Variants in SLIT3 observed in about 807,000 individuals in gnomAD.
SLIT3 encodes slit guidance ligand 3.
In SLIT3, 68 loss-of-function variants were observed where a neutral mutation model predicts 184.0. The ratio of observed to expected loss-of-function variants is 0.37; its 90% CI spans 0.30 to 0.45. SLIT3 has a LOEUF of 0.45. Among genes scored for constraint, SLIT3 ranks in the 20% least tolerant of loss-of-function variants. The pLI, the probability that SLIT3 is intolerant of heterozygous loss-of-function variation, is 1.00. For synonymous variants in SLIT3, 831 were observed against 828.6 expected, an observed-to-expected ratio of 1.00 and a Z score of -0.05; for missense variants, 1,707 against 2,026.0, an observed-to-expected ratio of 0.84 and a Z score of 3.02.
rs779134549 is a variant in SLIT3 at position 168,817,462 on chromosome 5, G to T, written c.631C>A (p.Arg211Ser). 6.2e-7 allele frequency: 1 copy of T among 1,613,208 alleles called. No homozygotes were observed. The highest frequency in any genetic ancestry group is 8.5e-7 in the Non-Finnish European group (1 of 1,179,896). Reference protein sequence around the residue: ...FNHMPKIRTLRLHSNHLYCDC... With the variant: ...FNHMPKIRTLSLHSNHLYCDC... ...CAGTACAGGTGGTTGGAGTGGAGGC[G>T]CCTGGGAGAGGGCGGGACAGAGAGA... The change falls in exon 8 of 36, where the codon CGC becomes AGC. Residue 211 changes from arginine (R) to serine (S), a missense_variant and splice_region_variant. By Grantham distance (110) the Arg-to-Ser change is moderately radical. Transcript: ENST00000519560.
chr5:168,817,502 G>T, intron 7 of SLIT3, 39 bp from the exon 8 acceptor site: 5 of 1,496,332 alleles, frequency 3.3e-6, no homozygotes, highest in Non-Finnish European at 4.4e-6. Flanking sequence ...ATGGTCACAG[G>T]TGAAGTGTGG....
intron 20 of SLIT3, among the ~76,000 whole-genome samples, chr5:168,740,648 C>T (rs115843096): frequency 0.017 from 2,600 of 152,228 alleles, 83 homozygotes; most frequent in African/African-American, 0.059. Flanking sequence ...TACCCCCAAC[C>T]CTCCACCCCA....
intron 5 of SLIT3, among the ~76,000 whole-genome samples, chr5:168,855,568 G>A (rs760427677): frequency 6.6e-5 from 10 of 152,172 alleles, no homozygotes; most frequent in East Asian, 1.9e-4. Context: ...TGATGTATGC[G>A]GCAACATGGA....
chr5:168,907,506 G>A (rs566151852), intron 4 of SLIT3, among the ~76,000 whole-genome samples: 4 of 152,276 alleles, frequency 2.6e-5, no homozygotes, highest in Admixed American at 1.3e-4. Context: ...GCCATCAGTC[G>A]TGAGTTCTGG....
At chr5:169,137,955 T>C (rs533690820) in intron 4 of SLIT3, among the ~76,000 whole-genome samples, 87 of 152,228 alleles carry the variant, frequency 5.7e-4, no homozygotes, top group African/African-American at 2.0e-3. Context: ...ACCTGGCCCC[T>C]GAGTGGGACA....
intron 4 of SLIT3, among the ~76,000 whole-genome samples, chr5:169,151,748 G>C (rs1403073429): frequency 1.3e-5 from 2 of 152,206 alleles, no homozygotes; most frequent in Non-Finnish European, 2.9e-5. Context: ...CCTCTGAAAG[G>C]CCTGCCTTCC....
chr5:169,291,856 TG>T (rs1767369339), intron 1 of SLIT3, among the ~76,000 whole-genome samples: 1 of 152,210 alleles, frequency 6.6e-6, no homozygotes, highest in South Asian at 2.1e-4. Flanking sequence ...TGTTCCTTAC[TG>T]GGGATGTTAT....
chr5:168,917,825 G>A (rs1273151046), intron 4 of SLIT3, among the ~76,000 whole-genome samples: 1 of 152,182 alleles, frequency 6.6e-6, no homozygotes, highest in African/African-American at 2.4e-5. Flanking sequence ...CAGGCTGAAA[G>A]GGTTAGCTTT....
chr5:168,686,306 G>T (rs1202133226), intron 30 of SLIT3, among the ~76,000 whole-genome samples: 1 of 152,164 alleles, frequency 6.6e-6, no homozygotes, highest in African/African-American at 2.4e-5. Flanking sequence ...AGAATTGCCT[G>T]GGGGTGATTT....
At chr5:169,090,307 C>T (rs1759525871) in intron 4 of SLIT3, among the ~76,000 whole-genome samples, 1 of 152,176 alleles carries the variant, frequency 6.6e-6, no homozygotes, top group African/African-American at 2.4e-5. Flanking sequence ...CTGCTTCTCC[C>T]TCCCAGTGCC....
At chr5:168,777,064 AACACACACAC>A (rs556884651) in intron 12 of SLIT3, among the ~76,000 whole-genome samples, 65 of 65,914 alleles carry the variant, frequency 9.9e-4, no homozygotes, top group Admixed American at 3.2e-3. Context: ...AATTTCATAC[AACACACACAC>A]ACACACACAC....
intron 1 of SLIT3, among the ~76,000 whole-genome samples, chr5:169,289,436 C>T (rs953360613): frequency 6.6e-6 from 1 of 152,196 alleles, no homozygotes; most frequent in African/African-American, 2.4e-5. Flanking sequence ...ATGATCTGTC[C>T]TATTTGGGAT....
intron 3 of SLIT3, among the ~76,000 whole-genome samples, chr5:169,223,736 G>T (rs1046834119): frequency 2.0e-5 from 3 of 152,172 alleles, no homozygotes; most frequent in Admixed American, 2.0e-4. Flanking sequence ...GTACAAAATG[G>T]GTCCTTGTCA....
chr5:169,063,614 A>T (rs1271572349), intron 4 of SLIT3, among the ~76,000 whole-genome samples: 2 of 152,188 alleles, frequency 1.3e-5, no homozygotes, highest in Admixed American at 1.3e-4. Context: ...CGTGTGCGTG[A>T]GTGAGAAACA....
intron 5 of SLIT3, among the ~76,000 whole-genome samples, chr5:168,853,035 AC>A (rs2113731767): frequency 6.6e-6 from 1 of 152,326 alleles, no homozygotes; most frequent in South Asian, 2.1e-4. Context: ...AATTCTAAAA[AC>A]ATTCTTGTTC....
At chr5:168,987,186 C>T (rs1755159517) in intron 4 of SLIT3, among the ~76,000 whole-genome samples, 1 of 152,218 alleles carries the variant, frequency 6.6e-6, no homozygotes, top group South Asian at 2.1e-4. Flanking sequence ...TCCCCTTAAC[C>T]TGGAATCCTG....
intron 20 of SLIT3, among the ~76,000 whole-genome samples, chr5:168,726,640 G>A (rs1437932823): frequency 6.6e-6 from 1 of 151,698 alleles, no homozygotes; most frequent in Non-Finnish European, 1.5e-5. Flanking sequence ...GCTTTCTTGG[G>A]AAGGAGCAAG....
At chr5:168,968,454 A>G (rs1261384921) in intron 4 of SLIT3, among the ~76,000 whole-genome samples, 1 of 152,196 alleles carries the variant, frequency 6.6e-6, no homozygotes, top group African/African-American at 2.4e-5. Flanking sequence ...CATCATTGTC[A>G]ACAGTCTCGC....
intron 3 of SLIT3, among the ~76,000 whole-genome samples, chr5:169,201,709 T>C (rs1298818956): frequency 6.6e-6 from 1 of 152,228 alleles, no homozygotes; most frequent in Non-Finnish European, 1.5e-5. Flanking sequence ...AGAGAACATG[T>C]GGCCTCCAAG....
Sources: gnomAD v4.1 joint callset for allele counts (sites outside exome capture counted in the v4.1 genomes callset) on GRCh38, gnomAD v4.1.1 for gene constraint, MANE v1.5 for transcripts, NCBI Gene and HGNC (gene_info 2026-07-23, HGNC 2026-07-21) for gene names.